The following CNOT6L variants were observed in gnomAD, a reference collection of about 807,000 sequenced individuals.
CNOT6L encodes CCR4-NOT transcription complex subunit 6-like.
Under a neutral mutation model 64.0 loss-of-function variants are expected in CNOT6L, and 7 were observed. The observed-to-expected ratio is 0.11, with a 90% CI of 0.06 to 0.21. The LOEUF (loss-of-function observed/expected upper bound fraction) is 0.21. Ranked by LOEUF, CNOT6L falls within the 10% of genes least tolerant of loss-of-function variation. The pLI is 1.00. For synonymous variants in CNOT6L, 193 were observed against 243.4 expected, an observed-to-expected ratio of 0.79 and a Z score of 1.93; for missense variants, 245 against 669.0, an observed-to-expected ratio of 0.37 and a Z score of 6.99.
intron 4 of CNOT6L, among the ~76,000 whole-genome samples, chr4:77,760,270 C>A (rs1020441406): frequency 6.6e-6 from 1 of 151,836 alleles, no homozygotes; most frequent in Non-Finnish European, 1.5e-5. Context: ...CAGCTACTCA[C>A]GAGGCTGAAC....
chr4:77,716,833 A>C lies in CNOT6L; in HGVS notation c.*3598T>G, dbSNP rs1361954101. On this transcript the variant is annotated 3_prime_UTR_variant, in exon 12 of 12. Transcript: ENST00000504123. The stretch of plus-strand genomic sequence containing the variant: ...CATTCACACAGGATGCTAATTAGTA[A>C]AATTAAATACCTGCCTATGAATATC... The C allele has an allele frequency of 2.6e-5, 4 of 152,548 alleles. No individual in the cohort carries two copies. The highest frequency in any genetic ancestry group is 9.7e-5 in the African/African-American group (4 of 41,430). The allele number at this position is 152,548 out of a possible 1,614,324, so 9.4% of individuals were successfully genotyped here. A position where few individuals can be genotyped will look rare whatever the true frequency, so the allele number is the denominator to read the frequency against.
chr4:77,813,465 C>G (rs1733192740), intron 1 of CNOT6L, among the ~76,000 whole-genome samples: 1 of 152,060 alleles, frequency 6.6e-6, no homozygotes, highest in Non-Finnish European at 1.5e-5. Flanking sequence ...ATGACACCAT[C>G]AGGAAAATGA....
intron 1 of CNOT6L, among the ~76,000 whole-genome samples, chr4:77,809,211 G>C (rs1732623448): frequency 1.3e-5 from 2 of 152,074 alleles, no homozygotes; most frequent in African/African-American, 4.8e-5. Flanking sequence ...TTCAGAATGA[G>C]AATCATACTG....
Position 77,749,415 on chromosome 4 carries a change from T to C in CNOT6L, c.491-1031A>G, listed in dbSNP as rs144310387. ...AGAGTCACAGCAAGTGTCTCAAAAATGAAAAATCTAATATAGAAACAGAAA... is the reference window on the plus strand; with the variant it reads ...AGAGTCACAGCAAGTGTCTCAAAAACGAAAAATCTAATATAGAAACAGAAA... On this transcript the variant is annotated intron_variant, in intron 5 of 11. Transcript: ENST00000504123. Among the ~76,000 whole-genome samples the C allele has an allele frequency of 4.6e-3, 701 of 152,214 alleles. 6 individuals carry two copies. Among genetic ancestry groups the C allele is most frequent in the African/African-American group, 0.016 (677 of 41,562 alleles).
intron 1 of CNOT6L, among the ~76,000 whole-genome samples, chr4:77,799,752 T>C (rs1731300654): frequency 6.8e-6 from 1 of 147,964 alleles, no homozygotes; most frequent in African/African-American, 2.5e-5. Context: ...AACTAAGAAG[T>C]TGCAAGGGTA....
intron 1 of CNOT6L, among the ~76,000 whole-genome samples, chr4:77,814,327 AACT>A (rs1733320500): frequency 1.3e-5 from 2 of 152,288 alleles, no homozygotes; most frequent in Admixed American, 6.5e-5. Flanking sequence ...ATATACTAAA[AACT>A]ACTGAGTTGT....
At chr4:77,793,614 G>T (rs575109402) in intron 1 of CNOT6L, among the ~76,000 whole-genome samples, 1 of 152,082 alleles carries the variant, frequency 6.6e-6, no homozygotes, top group African/African-American at 2.4e-5. Flanking sequence ...CAGAGCAGGA[G>T]AACAGAGAAA....
intron 1 of CNOT6L, among the ~76,000 whole-genome samples, chr4:77,818,586 GA>G (rs1281733884): frequency 6.6e-6 from 1 of 152,216 alleles, no homozygotes; most frequent in Non-Finnish European, 1.5e-5. Context: ...TGACTGTTCT[GA>G]TTCACTTTCC....
At chr4:77,777,521 A>G (rs1362963243) in intron 1 of CNOT6L, among the ~76,000 whole-genome samples, 1 of 152,204 alleles carries the variant, frequency 6.6e-6, no homozygotes, top group East Asian at 1.9e-4. Context: ...GGTCCAATAT[A>G]AGAAGTACTG....
At chr4:77,738,341 C>T (rs1302189642) in intron 8 of CNOT6L, among the ~76,000 whole-genome samples, 1 of 152,208 alleles carries the variant, frequency 6.6e-6, no homozygotes, top group East Asian at 1.9e-4. Flanking sequence ...GGTCTGCTTT[C>T]ATCTTCATAT....
At chr4:77,818,531 G>A (rs538760961) in intron 1 of CNOT6L, among the ~76,000 whole-genome samples, 1 of 152,188 alleles carries the variant, frequency 6.6e-6, no homozygotes, top group East Asian at 1.9e-4. Context: ...CAGCCTTAGG[G>A]GAAGGATGAA....
Position 77,716,660 on chromosome 4 carries a change from T to G in CNOT6L, c.*3771A>C, listed in dbSNP as rs1720779397. Reference sequence around the variant, plus strand: ...TAATATAATCTACCATAGAATCAAGTGATATGAGCCTTAGATATCTTTCAA... The same window carrying G: ...TAATATAATCTACCATAGAATCAAGGGATATGAGCCTTAGATATCTTTCAA... On this transcript the variant is annotated 3_prime_UTR_variant, in exon 12 of 12. Transcript: ENST00000504123. 6.6e-6 allele frequency: 1 copy of G among 152,506 alleles called. No individual in the cohort carries two copies. The highest frequency in any genetic ancestry group is 2.1e-4 in the South Asian group (1 of 4,828). 9.4% of individuals were successfully genotyped at this position (152,506 alleles called of 1,614,324 possible).
rs1348136361 is a variant in CNOT6L, at chr4:77,714,180, C to A, written c.*6251G>T. 6.6e-6 allele frequency: 1 copy of A among 152,436 alleles called. No homozygotes were observed. The highest frequency in any genetic ancestry group is 1.9e-4 in the East Asian group (1 of 5,188). 9.4% of individuals were successfully genotyped at this position (152,436 alleles called of 1,614,324 possible). A position where few individuals can be genotyped will look rare whatever the true frequency, so the allele number is the denominator to read the frequency against. On this transcript the variant is annotated 3_prime_UTR_variant, in exon 12 of 12. Transcript: ENST00000504123. ...CATTAGAATTAGATAGTTACAAAAA[C>A]ACTTTATAGGTCACAGAATGACTCA...
At chr4:77,766,390 G>C (rs1386702320) in intron 4 of CNOT6L, among the ~76,000 whole-genome samples, 3 of 152,072 alleles carry the variant, frequency 2.0e-5, no homozygotes, top group African/African-American at 7.2e-5. Flanking sequence ...CATACAGCAA[G>C]TATCATTCTT....
intron 1 of CNOT6L, among the ~76,000 whole-genome samples, chr4:77,809,750 T>C (rs1406091819): frequency 6.6e-6 from 1 of 152,144 alleles, no homozygotes; most frequent in Non-Finnish European, 1.5e-5. Context: ...GTAACTCTAA[T>C]TTATGTTACT....
intron 1 of CNOT6L, among the ~76,000 whole-genome samples, chr4:77,788,680 A>T (rs1031218387): frequency 6.6e-6 from 1 of 152,184 alleles, no homozygotes; most frequent in Non-Finnish European, 1.5e-5. Context: ...GTGAGCCAAG[A>T]TTATGCCACT....
rs1721102524 is a variant in CNOT6L at position 77,719,855 on chromosome 4, T to C, written c.*576A>G. On this transcript the variant is annotated 3_prime_UTR_variant, in exon 12 of 12. Transcript: ENST00000504123. ...ATTATAAAAGTATACTGTGCAACCA[T>C]CTTTAATTTTTCAAATTTTCTTACC... The C allele has an allele frequency of 6.5e-6, 1 of 152,760 alleles. No homozygotes were observed. The highest frequency in any genetic ancestry group is 1.5e-5 in the Non-Finnish European group (1 of 68,128). 9.5% of individuals were successfully genotyped at this position (152,760 alleles called of 1,614,324 possible).
At chr4:77,790,812 CT>C (rs1325435425) in intron 1 of CNOT6L, among the ~76,000 whole-genome samples, 7 of 139,310 alleles carry the variant, frequency 5.0e-5, no homozygotes, top group African/African-American at 1.8e-4. Flanking sequence ...CTGCGCCTGG[CT>C]GATTTTTTTT....
intron 7 of CNOT6L, among the ~76,000 whole-genome samples, chr4:77,744,373 T>C (rs1028902925): frequency 2.0e-5 from 3 of 151,796 alleles, no homozygotes; most frequent in Non-Finnish European, 4.4e-5. Flanking sequence ...CAGACTCCAA[T>C]ACAAGGTAAA....
Sources: gnomAD v4.1 joint callset for allele counts (sites outside exome capture counted in the v4.1 genomes callset) on GRCh38, gnomAD v4.1.1 for gene constraint, MANE v1.5 for transcripts, NCBI Gene and HGNC (gene_info 2026-07-23, HGNC 2026-07-21) for gene names.